Variants in PSD3 observed in about 807,000 individuals in gnomAD.
The protein encoded by PSD3 is pleckstrin and Sec7 domain containing 3.
A neutral mutation model predicts 105.5 loss-of-function variants in PSD3; 49 were observed. The ratio of observed to expected loss-of-function variants is 0.46; its 90% CI spans 0.37 to 0.59. PSD3 has a LOEUF of 0.59. Among genes scored for constraint, PSD3 ranks in the 20% least tolerant of loss-of-function variants. The probability of loss-of-function intolerance (pLI) is 0.00; values close to 1 mark genes in which losing one functional copy is unlikely to be tolerated. For synonymous variants in PSD3, 557 were observed against 457.8 expected (o/e 1.22, Z -2.77); for missense variants, 1,561 against 1,263.8 (o/e 1.24, Z -3.57).
chr8:18,640,575 C>T (rs138319205), intron 10 of PSD3, among the ~76,000 whole-genome samples: 33 of 152,286 alleles, frequency 2.2e-4, no homozygotes, highest in Non-Finnish European at 3.7e-4. Flanking sequence ...TGAAGAAGGA[C>T]GTGTTTCCTT....
chr8:19,030,148 T>C (rs1276816687), intron 1 of PSD3, among the ~76,000 whole-genome samples: 1 of 152,200 alleles, frequency 6.6e-6, no homozygotes, highest in Admixed American at 6.5e-5. Flanking sequence ...TTCCTGTCCA[T>C]GCCTAATTTG....
intron 11 of PSD3, among the ~76,000 whole-genome samples, chr8:18,605,904 G>T (rs909746244): frequency 6.6e-6 from 1 of 152,116 alleles, no homozygotes. Flanking sequence ...TAAGTTTCCT[G>T]AGGCCTTCCC....
intron 1 of PSD3, among the ~76,000 whole-genome samples, chr8:19,056,789 A>C (rs1828722882): frequency 1.3e-5 from 2 of 152,218 alleles, no homozygotes; most frequent in Admixed American, 6.5e-5. Flanking sequence ...AAATAAGTGA[A>C]CAAAGACAAA....
At chr8:18,554,948 T>G (rs1036162984) in intron 15 of PSD3, among the ~76,000 whole-genome samples, 3 of 150,984 alleles carry the variant, frequency 2.0e-5, no homozygotes, top group Non-Finnish European at 3.0e-5. Context: ...TTGGGGAGAG[T>G]AGGCAGAAAT....
At chr8:18,904,478 A>G (rs1277252711) in intron 2 of PSD3, among the ~76,000 whole-genome samples, 2 of 152,204 alleles carry the variant, frequency 1.3e-5, no homozygotes, top group Admixed American at 6.5e-5. Flanking sequence ...GTCAAGGACT[A>G]TGTTGGAACT....
intron 1 of PSD3, among the ~76,000 whole-genome samples, chr8:19,081,597 G>A (rs1012744240): frequency 1.3e-5 from 2 of 152,150 alleles, no homozygotes; most frequent in African/African-American, 2.4e-5. Flanking sequence ...ATAATGCAAC[G>A]GAAGCCATCC....
At chr8:18,837,770 C>T (rs1308753101) in intron 4 of PSD3, among the ~76,000 whole-genome samples, 1 of 152,072 alleles carries the variant, frequency 6.6e-6, no homozygotes, top group Non-Finnish European at 1.5e-5. Flanking sequence ...AAGACCCCGT[C>T]CCTATATATT....
At chr8:18,747,527 A>G (rs1248349130) in intron 9 of PSD3, among the ~76,000 whole-genome samples, 1 of 152,218 alleles carries the variant, frequency 6.6e-6, no homozygotes, top group Non-Finnish European at 1.5e-5. Context: ...TTATCAGAAA[A>G]CATACCTTAG....
intron 2 of PSD3, among the ~76,000 whole-genome samples, chr8:18,890,396 T>A (rs1193828221): frequency 6.6e-6 from 1 of 151,278 alleles, no homozygotes; most frequent in East Asian, 1.9e-4. Context: ...AAGCTTAATC[T>A]AGAGAGAAAA....
chr8:18,645,628 AC>A (rs1175748819), intron 10 of PSD3, among the ~76,000 whole-genome samples: 2 of 152,242 alleles, frequency 1.3e-5, no homozygotes, highest in African/African-American at 4.8e-5. Flanking sequence ...TTATTATTTT[AC>A]CAAGAGTCCA....
At chr8:19,074,178 C>A (rs1329642554) in intron 1 of PSD3, among the ~76,000 whole-genome samples, 2 of 152,270 alleles carry the variant, frequency 1.3e-5, no homozygotes, top group East Asian at 3.9e-4. Flanking sequence ...ACCTCAGCTC[C>A]CCAACTCCCA....
chr8:18,591,609 C>A (rs776002528), intron 12 of PSD3, among the ~76,000 whole-genome samples: 1 of 152,154 alleles, frequency 6.6e-6, no homozygotes, highest in African/African-American at 2.4e-5. Context: ...ACACTTAGAA[C>A]AGAGTAGAGA....
intron 9 of PSD3, 50 bp from the exon 10 acceptor site, chr8:18,655,735 A>G (rs1808838725): frequency 1.9e-6 from 3 of 1,560,354 alleles, no homozygotes; most frequent in Non-Finnish European, 2.6e-6. Context: ...TCTGTTCCAC[A>G]TTTTGAATTC....
At chr8:18,605,037 G>C (rs779293755) in intron 11 of PSD3, among the ~76,000 whole-genome samples, 6 of 152,206 alleles carry the variant, frequency 3.9e-5, no homozygotes, top group Non-Finnish European at 8.8e-5. Context: ...GGCTAATGCA[G>C]GGTTAAAGCC....
At chr8:19,042,624 A>G (rs1241361325) in intron 1 of PSD3, among the ~76,000 whole-genome samples, 1 of 152,196 alleles carries the variant, frequency 6.6e-6, no homozygotes, top group Admixed American at 6.5e-5. Flanking sequence ...AACAAAAAGC[A>G]CCTCACAAAA....
chr8:18,665,844 C>G (rs1799422392), intron 9 of PSD3, among the ~76,000 whole-genome samples: 4 of 152,174 alleles, frequency 2.6e-5, no homozygotes, highest in Non-Finnish European at 5.9e-5. Flanking sequence ...CAGCGAGACC[C>G]AGTCTTAAAA....
At chr8:18,892,225 A>C (rs924585145) in intron 2 of PSD3, among the ~76,000 whole-genome samples, 5 of 149,218 alleles carry the variant, frequency 3.4e-5, no homozygotes, top group East Asian at 2.0e-4. Context: ...AAACCATATA[A>C]ACTTTTTTTT....
intron 15 of PSD3, among the ~76,000 whole-genome samples, chr8:18,549,506 GC>G (rs1219363689): frequency 6.6e-6 from 1 of 152,120 alleles, no homozygotes; most frequent in Non-Finnish European, 1.5e-5. Context: ...ACCACGCCTG[GC>G]CCTATTCTCA....
At chr8:18,626,406 G>T (rs9325835) in intron 11 of PSD3, among the ~76,000 whole-genome samples, 64,931 of 151,858 alleles carry the variant, frequency 0.43, 14,393 homozygotes, top group African/African-American at 0.53. Context: ...CACCTGGCCA[G>T]GTTTAAATTT....
Sources: gnomAD v4.1 joint callset for allele counts (sites outside exome capture counted in the v4.1 genomes callset) on GRCh38, gnomAD v4.1.1 for gene constraint, MANE v1.5 for transcripts, NCBI Gene and HGNC (gene_info 2026-07-23, HGNC 2026-07-21) for gene names.